The following FAAH2 variants were observed in gnomAD, a reference collection of about 807,000 sequenced individuals.
The protein encoded by FAAH2 is fatty-acid amide hydrolase 2.
Under a neutral mutation model 36.9 loss-of-function variants are expected in FAAH2, and 60 were observed. The ratio of observed to expected loss-of-function variants is 1.63; its 90% CI spans 1.32 to 2.02. The LOEUF (loss-of-function observed/expected upper bound fraction) is 2.02. FAAH2 is among the 30% of genes most tolerant of loss of function. FAAH2 has a pLI of 0.00. For synonymous variants in FAAH2, 214 were observed against 143.8 expected (o/e 1.49, Z -3.49); for missense variants, 689 against 397.5 (o/e 1.73, Z -6.23).
At chrX:57,402,033 A>G (rs1347531863) in intron 7 of FAAH2, among the ~76,000 whole-genome samples, 1 of 111,143 alleles carries the variant, frequency 9.0e-6, no homozygotes, top group African/African-American at 3.3e-5. Context: ...GGGACAGGAG[A>G]GTAAGACTGA....
At chrX:57,484,176 A>T (rs947050472) in intron 10 of FAAH2, among the ~76,000 whole-genome samples, 1 of 110,651 alleles carries the variant, frequency 9.0e-6, no homozygotes, top group Non-Finnish European at 1.9e-5. Flanking sequence ...GGTAAGACAC[A>T]GATGTGGCAC....
chrX:57,297,607 T>C (rs1268854047), intron 2 of FAAH2, among the ~76,000 whole-genome samples: 1 of 56,217 alleles, frequency 1.8e-5, no homozygotes, highest in Non-Finnish European at 3.3e-5. Context: ...ATAAAAATAT[T>C]AACCTTAAAT....
chrX:57,299,278 C>T (rs764290225), intron 2 of FAAH2, among the ~76,000 whole-genome samples: 1 of 112,029 alleles, frequency 8.9e-6, no homozygotes, highest in Non-Finnish European at 1.9e-5. Context: ...GGGTTCATCC[C>T]TGGGATGCAA....
At chrX:57,231,576 C>T in the FAAH2 span, among the ~76,000 whole-genome samples, 7 of 111,317 alleles carry the variant, frequency 6.3e-5, no homozygotes, top group Non-Finnish European at 1.3e-4. Context: ...TCTTTTTATA[C>T]CTTTATATTC....
At chrX:57,477,664 G>A (rs990047263) in intron 10 of FAAH2, among the ~76,000 whole-genome samples, 6 of 72,561 alleles carry the variant, frequency 8.3e-5, no homozygotes, top group South Asian at 2.0e-3. Context: ...AACAGGCCCC[G>A]GTGTAAGATG....
chrX:57,319,685 G>A (rs1207689229), intron 3 of FAAH2, among the ~76,000 whole-genome samples: 3 of 111,831 alleles, frequency 2.7e-5, no homozygotes, highest in Non-Finnish European at 5.6e-5. Context: ...AATTTCATAT[G>A]GAACCAAAAA....
chrX:57,242,043 G>A, the FAAH2 span, among the ~76,000 whole-genome samples: 1 of 112,588 alleles, frequency 8.9e-6, no homozygotes. Flanking sequence ...CCTGCCAGAC[G>A]GCTCTGCAGA....
intron 5 of FAAH2, among the ~76,000 whole-genome samples, chrX:57,344,136 T>TA (rs113699166): frequency 1.9e-4 from 21 of 108,512 alleles, no homozygotes; most frequent in South Asian, 1.2e-3. Flanking sequence ...TTTTTTTTTT[T>TA]AAATTCTGTG....
At chrX:57,243,194 C>G in the FAAH2 span, among the ~76,000 whole-genome samples, 5 of 112,080 alleles carry the variant, frequency 4.5e-5, no homozygotes, top group African/African-American at 1.6e-4. Context: ...AGCCAGACTG[C>G]CTCTAGATTC....
intron 5 of FAAH2, among the ~76,000 whole-genome samples, chrX:57,377,002 T>A: frequency 9.1e-6 from 1 of 109,869 alleles, no homozygotes; most frequent in Non-Finnish European, 1.9e-5. Context: ...TTTTGATGTT[T>A]TTGTTTTCTT....
At chrX:57,165,958 A>G in the FAAH2 span, among the ~76,000 whole-genome samples, 1 of 110,461 alleles carries the variant, frequency 9.1e-6, no homozygotes, top group African/African-American at 3.3e-5. Flanking sequence ...AAATCCCAAG[A>G]CTCTGGCAGA....
At chrX:57,296,923 G>A (rs1302844146) in intron 2 of FAAH2, among the ~76,000 whole-genome samples, 1 of 109,753 alleles carries the variant, frequency 9.1e-6, no homozygotes, top group Non-Finnish European at 1.9e-5. Context: ...AAAAAGAAAT[G>A]AACCAGCATC....
chrX:57,456,907 A>T (rs2056873076), intron 10 of FAAH2, among the ~76,000 whole-genome samples: 1 of 111,978 alleles, frequency 8.9e-6, no homozygotes, highest in African/African-American at 3.2e-5. Flanking sequence ...TTCCCAAGAA[A>T]ATCGAAGAAG....
chrX:57,384,077 A>C (rs777537987), intron 7 of FAAH2, among the ~76,000 whole-genome samples: 7 of 111,574 alleles, frequency 6.3e-5, no homozygotes, highest in Non-Finnish European at 1.3e-4. Context: ...ATGGGGAAAC[A>C]ATTCCCTATT....
At chrX:57,456,535 A>G (rs2056867805) in intron 10 of FAAH2, among the ~76,000 whole-genome samples, 1 of 112,283 alleles carries the variant, frequency 8.9e-6, no homozygotes, top group Admixed American at 9.5e-5. Context: ...AGATTGATAT[A>G]CCATTAGCTA....
At chrX:57,225,715 C>G in the FAAH2 span, among the ~76,000 whole-genome samples, 14 of 111,518 alleles carry the variant, frequency 1.3e-4, no homozygotes, top group East Asian at 3.9e-3. Flanking sequence ...TCTTGATGAC[C>G]TGTCTATTGC....
intron 8 of FAAH2, among the ~76,000 whole-genome samples, chrX:57,441,740 G>A (rs1374126508): frequency 3.6e-5 from 4 of 111,071 alleles, no homozygotes; most frequent in African/African-American, 6.6e-5. Flanking sequence ...TCTCTTGTGG[G>A]CGTTTAGTGC....
At chrX:57,195,914 C>A in the FAAH2 span, among the ~76,000 whole-genome samples, 1 of 112,014 alleles carries the variant, frequency 8.9e-6, no homozygotes, top group East Asian at 2.8e-4. Flanking sequence ...TGGCTGTAAG[C>A]ATTTGGTTTT....
chrX:57,262,066 A>AAT, the FAAH2 span, among the ~76,000 whole-genome samples: 221 of 107,199 alleles, frequency 2.1e-3, 2 homozygotes, highest in South Asian at 0.066. Flanking sequence ...TTGGAAATGG[A>AAT]ATATATATAT....
Sources: gnomAD v4.1 joint callset for allele counts (sites outside exome capture counted in the v4.1 genomes callset) on GRCh38, gnomAD v4.1.1 for gene constraint, MANE v1.5 for transcripts, NCBI Gene and HGNC (gene_info 2026-07-23, HGNC 2026-07-21) for gene names.